BOD1L1: variants seen among roughly 807,000 people sequenced by gnomAD.
BOD1L1 encodes the protein biorientation of chromosomes in cell division protein 1-like 1.
A neutral mutation model predicts 240.7 loss-of-function variants in BOD1L1; 86 were observed. That is an observed-to-expected ratio of 0.36 (90% CI 0.30 to 0.43). BOD1L1 has a LOEUF of 0.43. Ranked by LOEUF, BOD1L1 falls within the 20% of genes least tolerant of loss-of-function variation. The pLI, the probability that BOD1L1 is intolerant of heterozygous loss-of-function variation, is 1.00. For missense variants in BOD1L1, 3,554 were observed against 3,643.5 expected, an observed-to-expected ratio of 0.98 and a Z score of 0.63; for synonymous variants, 1,268 against 1,272.3, an observed-to-expected ratio of 1.00 and a Z score of 0.07.
intron 12 of BOD1L1, among the ~76,000 whole-genome samples, chr4:13,595,482 G>T (rs1168694094): frequency 1.3e-5 from 2 of 152,158 alleles, no homozygotes. Flanking sequence ...AAGAGCAAAT[G>T]GTGTAAAGTG....
At position 13,599,775 on chromosome 4, in the gene BOD1L1, C is replaced by T. The variant is rs769760446; in HGVS notation, c.7125G>A (p.Met2375Ile). 1 of 1,614,054 alleles carries T rather than the reference C, an allele frequency of 6.2e-7. No individual in the cohort carries two copies. The highest frequency in any genetic ancestry group is 8.5e-7 in the Non-Finnish European group (1 of 1,179,904). Residue 2375 changes from methionine to isoleucine, a missense_variant, in exon 10 of 26, where the codon ATG (methionine) becomes ATA (isoleucine). Met to Ile is a conservative substitution (Grantham distance 10). Transcript: ENST00000040738. ...AGTTATTCTCAGCAATTAGGCTGGG[C>T]ATGGGGACCTTGTGCTTGCTCACTT... ...ATEVSKHKVPMPSLIAENNCR... is the reference protein window; with the variant it reads ...ATEVSKHKVPIPSLIAENNCR...
chr4:13,573,216 T>A (rs1229592809), intron 25 of BOD1L1, among the ~76,000 whole-genome samples: 1 of 152,124 alleles, frequency 6.6e-6, no homozygotes, highest in Admixed American at 6.5e-5. Context: ...AAGGCCCAAG[T>A]AGTCAACTGC....
At chr4:13,598,267 T>G (rs190702599) in intron 10 of BOD1L1, among the ~76,000 whole-genome samples, 229 of 152,312 alleles carry the variant, frequency 1.5e-3, no homozygotes, top group Middle Eastern at 6.8e-3. Flanking sequence ...TCAAATATAT[T>G]CTAAACTAGA....
chr4:13,571,079 T>C (rs1396299149), intron 25 of BOD1L1, among the ~76,000 whole-genome samples: 8 of 152,222 alleles, frequency 5.3e-5, no homozygotes, highest in Non-Finnish European at 7.3e-5. Context: ...GCAGCAGGAA[T>C]GTGAGCACCA....
At chr4:13,577,839 C>A in intron 22 of BOD1L1, 1 of 396,088 alleles carries the variant, frequency 2.5e-6, no homozygotes. Flanking sequence ...GTTTTCATTT[C>A]AGATTTTATT....
At position 13,603,519 on chromosome 4, in the gene BOD1L1, A is replaced by G; in HGVS notation, c.3381T>C (p.Gly1127=). 1 of 1,614,038 alleles carries G rather than the reference A, an allele frequency of 6.2e-7. No individual in the cohort carries two copies. Among genetic ancestry groups the G allele is most frequent in the Non-Finnish European group, 8.5e-7 (1 of 1,179,896 alleles). ...QEPMEIDSEP[G]VENVFEVSKT... is the part of the protein sequence containing the mutation. ...TAGATACTTCAAACACATTTTCAAC[A>G]CCTGGCTCAGAATCAATTTCCATTG... Residue 1127 remains glycine, a synonymous_variant, in exon 10 of 26, where the codon GGT becomes GGC. Coordinates refer to ENST00000040738, the MANE Select transcript of BOD1L1 (RefSeq NM_148894.3).
chr4:13,599,230 T>G lies in BOD1L1; in HGVS notation c.7670A>C (p.Gln2557Pro), dbSNP rs201495544. The change falls in exon 10 of 26, where the codon CAG (glutamine) becomes CCG (proline). Residue 2557 changes from glutamine to proline, a missense_variant. Physicochemically the swap from Gln to Pro is moderately conservative, Grantham distance 76 (BLOSUM62 -1). This residue lies in a region of BOD1L1 where 3,393 missense variants were observed against 3,427.1 expected (regional missense o/e 0.99). Transcript: ENST00000040738. ...GGTTTTCAAGTTGTCTTCAGACCCC[T>G]GCTGCTCAGCAGGAAGAAAGGAATG... is the stretch of plus-strand genomic sequence containing the variant. ...AEHSFLPAEQ[Q>P]GSEDNLKTST... The G allele has an allele frequency of 6.2e-6, 10 of 1,613,812 alleles. No homozygotes were observed. In the East Asian group the frequency reaches 8.9e-5, roughly 14 times the overall value.
chr4:13,626,176 C>T, intron 1 of BOD1L1: 1 of 152,324 alleles, frequency 6.6e-6, no homozygotes, highest in South Asian at 2.1e-4. Context: ...CAAAAATTAG[C>T]AGGGCGTGGT....
Position 13,599,789 on chromosome 4 carries a change from G to A in BOD1L1, c.7111C>T (p.His2371Tyr). ...GDLSATEVSK[H>Y]KVPMPSLIAE... ...ATTAGGCTGGGCATGGGGACCTTGT[G>A]CTTGCTCACTTCTGTGGCTGACAGG... The change falls in exon 10 of 26, where the codon CAC becomes TAC. Residue 2371 changes from histidine to tyrosine, a missense_variant. Transcript: ENST00000040738. 1 of 1,614,004 alleles carries A rather than the reference G, an allele frequency of 6.2e-7. No individual in the cohort carries two copies. The highest frequency in any genetic ancestry group is 8.5e-7 in the Non-Finnish European group (1 of 1,179,896).
In BOD1L1 at chr4:13,601,262, T is replaced by C; in HGVS notation, c.5638A>G (p.Ile1880Val). ...VVTSTGRGNEIGHASTCTGLG... is the reference protein window; with the variant it reads ...VVTSTGRGNEVGHASTCTGLG... ...CCTGTACAAGTTGAAGCATGCCCAA[T>C]TTCATTTCCTCTTCCAGTACTAGTC... is the stretch of plus-strand genomic sequence containing the variant. The change falls in exon 10 of 26, where the codon ATT becomes GTT. Residue 1880 changes from isoleucine to valine, a missense_variant. By Grantham distance (29) the Ile-to-Val change is conservative. Coordinates refer to ENST00000040738, the MANE Select transcript of BOD1L1 (RefSeq NM_148894.3). 6.2e-7 allele frequency: 1 copy of C among 1,613,950 alleles called. No homozygotes were observed. The highest frequency in any genetic ancestry group is 2.2e-5 in the East Asian group (1 of 44,870).
intron 22 of BOD1L1, 30 bp downstream of exon 22, chr4:13,579,898 A>G: frequency 6.5e-7 from 1 of 1,531,904 alleles, no homozygotes; most frequent in Non-Finnish European, 8.8e-7. Context: ...TCCCTCAGAT[A>G]ACACACAGAG....
At chr4:13,616,433 G>A (rs959005527) in intron 2 of BOD1L1, among the ~76,000 whole-genome samples, 1 of 152,204 alleles carries the variant, frequency 6.6e-6, no homozygotes, top group Admixed American at 6.5e-5. Flanking sequence ...AGAGACAAAA[G>A]AGCGATGAGG....
At chr4:13,620,676 G>A (rs1284801795) in intron 1 of BOD1L1, among the ~76,000 whole-genome samples, 2 of 152,228 alleles carry the variant, frequency 1.3e-5, no homozygotes, top group Non-Finnish European at 2.9e-5. Context: ...CATATGGGCA[G>A]AGTGATAGAA....
Position 13,614,561 on chromosome 4 carries a change from C to T in BOD1L1, c.809G>A (p.Gly270Glu). ...TTCAGACTTTGGGGCTGTTTCCAGT[C>T]CTTCACCTCCAGAGTCAGCTGTAGA... ...EKSTADSGGE[G>E]LETAPKSEEF... The change falls in exon 4 of 26, where the codon GGA becomes GAA. Residue 270 changes from glycine (G) to glutamate (E), a missense_variant. Transcript: ENST00000040738. 6.2e-7 allele frequency: 1 copy of T among 1,613,966 alleles called. No individual in the cohort carries two copies. Among genetic ancestry groups the T allele is most frequent in the Non-Finnish European group, 8.5e-7 (1 of 1,179,888 alleles).
At chr4:13,597,616 A>G (rs535819012) in intron 10 of BOD1L1, among the ~76,000 whole-genome samples, 50 of 152,332 alleles carry the variant, frequency 3.3e-4, no homozygotes, top group African/African-American at 1.1e-3. Context: ...TGAGGTAGAC[A>G]AAAAGAAAAA....
intron 6 of BOD1L1, among the ~76,000 whole-genome samples, 192 bp downstream of exon 6, chr4:13,610,742 T>G (rs1716091074): frequency 6.6e-6 from 1 of 152,204 alleles, no homozygotes; most frequent in African/African-American, 2.4e-5. Flanking sequence ...GGATATTCAC[T>G]TGTATTAGTA....
chr4:13,601,031 T>G lies in BOD1L1; in HGVS notation c.5869A>C (p.Ser1957Arg). ...TTTCCTGAGACTGCACTGGTCACAC[T>G]GCTTTCTACAATCCCTTTTGCACTG... is the stretch of plus-strand genomic sequence containing the variant. ...CSSAKGIVES[S>R]VTSAVSGKDE... The change falls in exon 10 of 26, where the codon AGT becomes CGT. Residue 1957 changes from serine to arginine, a missense_variant. By Grantham distance (110) the Ser-to-Arg change is moderately radical. This residue lies in a region of BOD1L1 where 3,393 missense variants were observed against 3,427.1 expected (regional missense o/e 0.99). Coordinates refer to ENST00000040738, the MANE Select transcript of BOD1L1 (RefSeq NM_148894.3). 1 of 1,614,040 alleles carries G rather than the reference T, an allele frequency of 6.2e-7. No homozygotes were observed. Among genetic ancestry groups the G allele is most frequent in the Non-Finnish European group, 8.5e-7 (1 of 1,179,906 alleles).
chr4:13,605,049 C>T lies in BOD1L1; in HGVS notation c.1851G>A (p.Glu617=), dbSNP rs150403636. The part of the protein sequence containing the change: ...CEKEKISSSK[E]LKHVHAKSEP... ...CACTTTTTGCATGAACATGCTTCAG[C>T]TCCTTTGAAGAAGAAATTTTTTCCT... The change falls in exon 10 of 26, where the codon GAG becomes GAA. Residue 617 remains glutamate (E), a synonymous_variant. Coordinates refer to ENST00000040738, the MANE Select transcript of BOD1L1 (RefSeq NM_148894.3). 1 of 1,574,504 alleles carries T rather than the reference C, an allele frequency of 6.4e-7. No homozygotes were observed. Among genetic ancestry groups the T allele is most frequent in the Non-Finnish European group, 8.6e-7 (1 of 1,166,856 alleles).
chr4:13,575,799 A>G (rs1226430043), intron 25 of BOD1L1, among the ~76,000 whole-genome samples: 2 of 152,152 alleles, frequency 1.3e-5, no homozygotes, highest in Non-Finnish European at 2.9e-5. Context: ...GAACAGGTAT[A>G]ATGATATAGG....
Sources: allele counts gnomAD v4.1 joint callset (sites outside exome capture counted in the v4.1 genomes callset), GRCh38; gene constraint gnomAD v4.1.1; regional missense constraint gnomAD v4.1.1; transcripts MANE v1.5; gene names NCBI Gene and HGNC (gene_info 2026-07-23, HGNC 2026-07-21).